The following CDH8 variants were observed in gnomAD, a reference collection of about 807,000 sequenced individuals.
The protein encoded by CDH8 is cadherin-8.
CDH8 carries 17 observed loss-of-function variants against 68.1 expected under a neutral mutation model. The observed-to-expected ratio is 0.25, with a 90% CI of 0.17 to 0.37. The LOEUF (loss-of-function observed/expected upper bound fraction) is 0.37, where lower values mean the gene tolerates loss of function less well. CDH8 is among the 10% of genes least tolerant of loss of function. CDH8 has a pLI of 1.00. For synonymous variants in CDH8, 372 were observed against 365.1 expected, an observed-to-expected ratio of 1.02 and a Z score of -0.21; for missense variants, 763 against 999.3, an observed-to-expected ratio of 0.76 and a Z score of 3.19.
intron 8 of CDH8, among the ~76,000 whole-genome samples, chr16:61,753,418 G>C (rs928399963): frequency 6.6e-6 from 1 of 151,722 alleles, no homozygotes; most frequent in African/African-American, 2.4e-5. Flanking sequence ...TTTTGTATTT[G>C]TAGTAGAGAC....
chr16:61,979,308 G>A (rs914857649), intron 2 of CDH8, among the ~76,000 whole-genome samples: 4 of 152,126 alleles, frequency 2.6e-5, no homozygotes, highest in African/African-American at 9.7e-5. Context: ...TATTACTAAG[G>A]CCCAGTTCCA....
chr16:61,778,252 C>G (rs1334501289), intron 8 of CDH8, among the ~76,000 whole-genome samples: 1 of 152,118 alleles, frequency 6.6e-6, no homozygotes, highest in African/African-American at 2.4e-5. Flanking sequence ...TGCTCTCGCT[C>G]TATGTCATAG....
intron 3 of CDH8, among the ~76,000 whole-genome samples, chr16:61,868,178 C>T (rs1193090312): frequency 6.6e-6 from 1 of 152,166 alleles, no homozygotes; most frequent in African/African-American, 2.4e-5. Flanking sequence ...CGAGAATGCT[C>T]CCAAATCTGC....
At chr16:61,728,494 C>T (rs1398310917) in intron 8 of CDH8, among the ~76,000 whole-genome samples, 1 of 150,976 alleles carries the variant, frequency 6.6e-6, no homozygotes, top group East Asian at 1.9e-4. Context: ...CCTGAAATGT[C>T]TCACCTCATA....
At chr16:61,666,386 C>T (rs933053330) in intron 10 of CDH8, among the ~76,000 whole-genome samples, 5 of 151,974 alleles carry the variant, frequency 3.3e-5, no homozygotes, top group Admixed American at 2.0e-4. Flanking sequence ...GTTCTTTCCA[C>T]ATATTTTTTA....
At chr16:61,819,262 G>A (rs1962156408) in intron 6 of CDH8, among the ~76,000 whole-genome samples, 3 of 151,654 alleles carry the variant, frequency 2.0e-5, no homozygotes, top group Non-Finnish European at 2.9e-5. Flanking sequence ...TGTTCTCTAG[G>A]GTAAAATACA....
intron 10 of CDH8, among the ~76,000 whole-genome samples, chr16:61,684,689 A>G (rs1964075383): frequency 6.6e-6 from 1 of 151,988 alleles, no homozygotes; most frequent in Non-Finnish European, 1.5e-5. Context: ...GCTGTACTGC[A>G]GGAGGTGCTG....
intron 2 of CDH8, among the ~76,000 whole-genome samples, chr16:61,914,740 G>GT (rs1210496886): frequency 1.5e-5 from 2 of 129,672 alleles, no homozygotes; most frequent in South Asian, 2.5e-4. Context: ...AATAAAAAGA[G>GT]TTAAAAAAAA....
intron 7 of CDH8, among the ~76,000 whole-genome samples, chr16:61,798,249 T>C (rs553282655): frequency 4.6e-5 from 7 of 152,342 alleles, no homozygotes; most frequent in Non-Finnish European, 1.0e-4. Flanking sequence ...TTTGATTTTT[T>C]ATTTAATGTC....
chr16:61,804,718 G>A (rs1463186697), intron 7 of CDH8, among the ~76,000 whole-genome samples: 1 of 149,024 alleles, frequency 6.7e-6, no homozygotes, highest in African/African-American at 2.5e-5. Flanking sequence ...AGAAAATCTA[G>A]AAGAAATGGA....
chr16:61,970,540 AAG>A (rs1481980356), intron 2 of CDH8, among the ~76,000 whole-genome samples: 1 of 152,234 alleles, frequency 6.6e-6, no homozygotes, highest in East Asian at 1.9e-4. Context: ...AAAAAAATAA[AAG>A]AAAAATGAGG....
intron 3 of CDH8, among the ~76,000 whole-genome samples, chr16:61,859,833 C>A (rs1009516291): frequency 1.3e-5 from 2 of 152,022 alleles, no homozygotes; most frequent in Non-Finnish European, 2.9e-5. Flanking sequence ...ATGAGGGCAC[C>A]TCCCTCACAA....
intron 3 of CDH8, among the ~76,000 whole-genome samples, chr16:61,868,764 G>T (rs967731392): frequency 6.6e-6 from 1 of 152,146 alleles, no homozygotes; most frequent in Non-Finnish European, 1.5e-5. Context: ...AATCTGTAGT[G>T]AGACCTTGGT....
chr16:61,835,875 A>C (rs1213005159), intron 4 of CDH8, among the ~76,000 whole-genome samples: 2 of 151,950 alleles, frequency 1.3e-5, no homozygotes, highest in Non-Finnish European at 2.9e-5. Context: ...AGAATGGGGC[A>C]CTGGCCTTGG....
chr16:61,780,440 A>C (rs1596960588), intron 8 of CDH8, among the ~76,000 whole-genome samples: 1 of 152,234 alleles, frequency 6.6e-6, no homozygotes, highest in African/African-American at 2.4e-5. Context: ...ATAAAGAATG[A>C]CATCTCCATT....
At chr16:61,882,469 C>T (rs1317234030) in intron 3 of CDH8, among the ~76,000 whole-genome samples, 1 of 152,170 alleles carries the variant, frequency 6.6e-6, no homozygotes, top group Admixed American at 6.6e-5. Context: ...CATGGCTTGA[C>T]TTTCGAGCAG....
chr16:61,736,311 T>C (rs955624744), intron 8 of CDH8, among the ~76,000 whole-genome samples: 3 of 152,006 alleles, frequency 2.0e-5, no homozygotes, highest in East Asian at 1.9e-4. Context: ...AGGAGAGAAA[T>C]TGGGGGCCAT....
At chr16:61,666,878 G>C (rs777709767) in intron 10 of CDH8, among the ~76,000 whole-genome samples, 2 of 151,892 alleles carry the variant, frequency 1.3e-5, no homozygotes, top group African/African-American at 4.8e-5. Context: ...CATATTAGAA[G>C]GATATATGTA....
chr16:61,886,199 A>G (rs1020731982), intron 3 of CDH8, among the ~76,000 whole-genome samples: 1 of 152,192 alleles, frequency 6.6e-6, no homozygotes, highest in African/African-American at 2.4e-5. Flanking sequence ...TCTACTACCT[A>G]GTTCTGATAT....
Sources: allele counts gnomAD v4.1 joint callset (sites outside exome capture counted in the v4.1 genomes callset), GRCh38; gene constraint gnomAD v4.1.1; transcripts MANE v1.5; gene names NCBI Gene and HGNC (gene_info 2026-07-23, HGNC 2026-07-21).